Variants in TFPI observed in about 807,000 individuals in gnomAD.
TFPI encodes tissue factor pathway inhibitor.
Under a neutral mutation model 34.6 loss-of-function variants are expected in TFPI, and 15 were observed. The observed-to-expected ratio is 0.43, with a 90% CI of 0.29 to 0.67. The LOEUF is 0.67. TFPI is among the 30% of genes least tolerant of loss of function. TFPI has a pLI of 0.15. For synonymous variants in TFPI, 105 were observed against 120.1 expected, an observed-to-expected ratio of 0.87 and a Z score of 0.82; for missense variants, 301 against 364.0, an observed-to-expected ratio of 0.83 and a Z score of 1.41.
chr2:187,493,848 G>A (rs749915076), intron 3 of TFPI, among the ~76,000 whole-genome samples: 6 of 152,072 alleles, frequency 3.9e-5, no homozygotes, highest in Non-Finnish European at 7.4e-5. Context: ...GGACCTTATC[G>A]TTCATATCAC....
At chr2:187,535,971 T>G (rs1688228160) in intron 1 of TFPI, among the ~76,000 whole-genome samples, 1 of 152,012 alleles carries the variant, frequency 6.6e-6, no homozygotes, top group South Asian at 2.1e-4. Context: ...GCAAATAAAC[T>G]AGAAAATCTA....
chr2:187,473,849 A>T (rs1692203734), intron 6 of TFPI, among the ~76,000 whole-genome samples: 1 of 151,578 alleles, frequency 6.6e-6, no homozygotes, highest in African/African-American at 2.4e-5. Flanking sequence ...TTACCTGAGG[A>T]TAAAGTATAG....
In TFPI at chr2:187,484,977, A is replaced by G. The variant is rs1693154103; in HGVS notation, c.369T>C (p.Asp123=). ...CAGGATCTTCTTCCAAAAAGCAGAA[A>G]TCTGGCTTTTCTAGAAATTATAAAA... The part of the protein sequence containing the change: ...IKTTLQQEKP[D]FCFLEEDPGI... The change falls in exon 5 of 8, where the codon GAT becomes GAC. Residue 123 remains aspartate, a synonymous_variant. Coordinates refer to ENST00000233156, the MANE Select transcript of TFPI (RefSeq NM_006287.6). 6.8e-7 allele frequency: 1 copy of G among 1,477,830 alleles called. No individual in the cohort carries two copies. The highest frequency in any genetic ancestry group is 1.5e-5 in the South Asian group (1 of 66,024). The allele number at this position is 1,477,830 out of a possible 1,614,324, so 91.5% of individuals were successfully genotyped here. A position where few individuals can be genotyped will look rare whatever the true frequency, so the allele number is the denominator to read the frequency against.
intron 1 of TFPI, among the ~76,000 whole-genome samples, chr2:187,535,273 A>G (rs1688188281): frequency 6.6e-6 from 1 of 152,210 alleles, no homozygotes. Context: ...ACCCCAAATC[A>G]ACAGAATATA....
At chr2:187,467,163 C>T (rs111681715) in intron 7 of TFPI, 121 bp from the exon 8 acceptor site, 2 of 651,932 alleles carry the variant, frequency 3.1e-6, no homozygotes, top group South Asian at 2.0e-5. Context: ...GATTTAAAAG[C>T]CTTTAATTTG....
rs1437859076 is a variant in TFPI, at chr2:187,466,153, A to G, written c.*783T>C. The G allele has an allele frequency of 6.6e-6, 1 of 152,210 alleles. No individual in the cohort carries two copies. Among genetic ancestry groups the G allele is most frequent in the Non-Finnish European group, 1.5e-5 (1 of 68,024 alleles). The allele number at this position is 152,210 out of a possible 1,614,324, so 9.4% of individuals were successfully genotyped here. On this transcript the variant is annotated 3_prime_UTR_variant, in exon 8 of 8. Coordinates refer to ENST00000233156, the MANE Select transcript of TFPI (RefSeq NM_006287.6). ...AAGAAAAAATATTGGGAAGCATAGT[A>G]TTAAGAAGTACATATAAATAATTCC... is the stretch of plus-strand genomic sequence containing the variant.
At chr2:187,550,733 T>C (rs1389439466) in intron 1 of TFPI, among the ~76,000 whole-genome samples, 1 of 152,172 alleles carries the variant, frequency 6.6e-6, no homozygotes, top group Non-Finnish European at 1.5e-5. Flanking sequence ...AATATAACCA[T>C]TGTGATTCAT....
At chr2:187,495,625 G>A (rs1292122405) in intron 3 of TFPI, among the ~76,000 whole-genome samples, 3 of 152,150 alleles carry the variant, frequency 2.0e-5, no homozygotes, top group Non-Finnish European at 4.4e-5. Context: ...GAGCCACAGA[G>A]GAGAGAAGTT....
chr2:187,511,445 T>C (rs911044912), intron 1 of TFPI, among the ~76,000 whole-genome samples: 2 of 152,164 alleles, frequency 1.3e-5, no homozygotes, highest in Non-Finnish European at 2.9e-5. Flanking sequence ...TACTTGTTCT[T>C]TGTTTTGCGG....
intron 4 of TFPI, among the ~76,000 whole-genome samples, chr2:187,486,472 C>T (rs1693275806): frequency 1.3e-5 from 2 of 151,512 alleles, no homozygotes; most frequent in South Asian, 4.1e-4. Context: ...TAAATATATA[C>T]ACCTAATATG....
At chr2:187,547,878 TTTTC>T (rs1235504286) in intron 1 of TFPI, among the ~76,000 whole-genome samples, 1 of 152,118 alleles carries the variant, frequency 6.6e-6, no homozygotes, top group East Asian at 1.9e-4. Context: ...AAATCAGATA[TTTTC>T]TTGTTGAATG....
chr2:187,507,486 C>A (rs553411332), intron 1 of TFPI, among the ~76,000 whole-genome samples: 1 of 152,166 alleles, frequency 6.6e-6, no homozygotes, highest in South Asian at 2.1e-4. Flanking sequence ...ACACTCCCAA[C>A]AACAGTATAA....
intron 1 of TFPI, among the ~76,000 whole-genome samples, chr2:187,507,343 A>G (rs966347543): frequency 1.3e-5 from 2 of 152,098 alleles, no homozygotes; most frequent in African/African-American, 4.8e-5. Flanking sequence ...AGTCTTTTCC[A>G]TTGTGAATAG....
intron 3 of TFPI, among the ~76,000 whole-genome samples, chr2:187,494,993 G>C (rs1259307223): frequency 6.6e-6 from 1 of 152,130 alleles, no homozygotes; most frequent in Non-Finnish European, 1.5e-5. Context: ...AAAGTGCTGG[G>C]ATTACAGGTG....
intron 1 of TFPI, among the ~76,000 whole-genome samples, chr2:187,533,222 C>T (rs924343234): frequency 6.6e-6 from 1 of 152,182 alleles, no homozygotes; most frequent in Non-Finnish European, 1.5e-5. Context: ...TGCTAAGAGA[C>T]AGACTGCCTC....
At chr2:187,545,116 A>C (rs1048651202) in intron 1 of TFPI, among the ~76,000 whole-genome samples, 1 of 152,208 alleles carries the variant, frequency 6.6e-6, no homozygotes, top group African/African-American at 2.4e-5. Context: ...GTTTCAAAAA[A>C]AAGAAAAAAG....
intron 6 of TFPI, chr2:187,478,618 G>A: frequency 1.3e-6 from 2 of 1,570,928 alleles, no homozygotes; most frequent in Admixed American, 1.8e-5. Context: ...TTAGCAGTAT[G>A]CTATCAAAGG....
intron 3 of TFPI, among the ~76,000 whole-genome samples, chr2:187,490,727 T>C (rs377754154): frequency 3.3e-5 from 5 of 151,060 alleles, no homozygotes; most frequent in Admixed American, 6.6e-5. Context: ...TTTAATCTAA[T>C]TATCATTAAA....
At chr2:187,481,577 A>G (rs1692857443) in intron 6 of TFPI, among the ~76,000 whole-genome samples, 1 of 148,932 alleles carries the variant, frequency 6.7e-6, no homozygotes, top group South Asian at 2.1e-4. Context: ...ACCTTATGCC[A>G]TCCTTAATAT....
Sources: gnomAD v4.1 joint callset for allele counts (sites outside exome capture counted in the v4.1 genomes callset) on GRCh38, gnomAD v4.1.1 for gene constraint, MANE v1.5 for transcripts, NCBI Gene and HGNC (gene_info 2026-07-23, HGNC 2026-07-21) for gene names.